HELB: variants seen among roughly 807,000 people sequenced by gnomAD.
HELB encodes the protein DNA 5'-3' helicase B.
A neutral mutation model predicts 101.7 loss-of-function variants in HELB; 96 were observed. That is an observed-to-expected ratio of 0.94 (90% CI 0.80 to 1.12). HELB has a LOEUF of 1.12. HELB is among the 50% of genes most tolerant of loss of function. The pLI is 0.00. For synonymous variants in HELB, 437 were observed against 459.7 expected (o/e 0.95, Z 0.63); for missense variants, 1,210 against 1,291.9 (o/e 0.94, Z 0.97).
intron 3 of HELB, among the ~76,000 whole-genome samples, chr12:66,307,821 TC>T (rs1225718485): frequency 6.7e-6 from 1 of 149,916 alleles, no homozygotes; most frequent in Non-Finnish European, 1.5e-5. Flanking sequence ...AGTCTCCACC[TC>T]CCGGGTTCAA....
downstream of HELB, chr12:66,338,385 T>A: frequency 4.3e-6 from 1 of 232,760 alleles, no homozygotes; most frequent in South Asian, 5.7e-5. Flanking sequence ...CTCATGCCTG[T>A]AATCCCAGCA....
At chr12:66,334,170 C>A (rs114097323) in intron 12 of HELB, among the ~76,000 whole-genome samples, 2,090 of 149,974 alleles carry the variant, frequency 0.014, 50 homozygotes, top group African/African-American at 0.049. Flanking sequence ...AAAAACAAAA[C>A]CACAATCCCT....
At position 66,310,600 on chromosome 12, in the gene HELB, C is replaced by T; in HGVS notation, c.1672C>T (p.Leu558=). The T allele has an allele frequency of 1.2e-6, 2 of 1,609,198 alleles. No homozygotes were observed. The highest frequency in any genetic ancestry group is 1.7e-6 in the Non-Finnish European group (2 of 1,178,394). ...GAAAACTGGTCTTCATGCCTACACA[C>T]TGTGTCAGGTAAAACCTTTGACATT... ...RQKTGLHAYT[L]CQVNYSFYSW... Residue 558 remains leucine, a synonymous_variant, in exon 4 of 13, where the codon CTG becomes TTG. Coordinates refer to ENST00000247815, the MANE Select transcript of HELB (RefSeq NM_001370285.1).
chr12:66,341,364 G>T (rs963104621), downstream of HELB: 9 of 151,970 alleles, frequency 5.9e-5, no homozygotes, highest in Admixed American at 2.6e-4. Flanking sequence ...CAGCCAACTC[G>T]ATGGTGCCCA....
chr12:66,324,074 T>C lies in HELB; in HGVS notation c.2389T>C (p.Ser797Pro). 1 of 1,613,792 alleles carries C rather than the reference T, an allele frequency of 6.2e-7. No individual in the cohort carries two copies. Among genetic ancestry groups the C allele is most frequent in the African/African-American group, 1.3e-5 (1 of 75,018 alleles). The stretch of plus-strand genomic sequence containing the variant: ...CTCAGACTTACTACCTGAAAATATC[T>C]CTGGAAGTCAGCAAAATAATGATCT... ...YLSDLLPENI[S>P]GSQQNNDLDA... Residue 797 changes from serine to proline, a missense_variant, in exon 10 of 13, where the codon TCT becomes CCT. Transcript: ENST00000247815.
Position 66,306,431 on chromosome 12 carries a change from A to ATCATAGGG in HELB, c.698_705dup (p.Gly236Ter), listed in dbSNP as rs1388505625. 1.9e-6 allele frequency: 3 copies of ATCATAGGG among 1,610,508 alleles called. No individual in the cohort carries two copies. Among genetic ancestry groups the ATCATAGGG allele is most frequent in the Non-Finnish European group, 2.5e-6 (3 of 1,178,270 alleles). On this transcript the variant is annotated frameshift_variant, in exon 3 of 13. Transcript: ENST00000247815. LOFTEE classifies it high-confidence loss of function. ...TCTTCTGCCTCGACACTTTAAATGGATCATAGGGTCAGGTTCTAAAGAGAT... is the reference window on the plus strand; with the variant it reads ...TCTTCTGCCTCGACACTTTAAATGGATCATAGGGTCATAGGGTCAGGTTCTAAAGAGAT...
intron 5 of HELB, among the ~76,000 whole-genome samples, chr12:66,314,992 TG>T (rs1458904718): frequency 6.6e-6 from 1 of 151,868 alleles, no homozygotes; most frequent in East Asian, 1.9e-4. Flanking sequence ...GTCTAAGGCC[TG>T]TTTTTTTTTT....
In HELB at chr12:66,318,965, A is replaced by G. The variant is rs1006678240; in HGVS notation, c.2155+173A>G. ...GTAATCATCAAAAGCAGAATACTCT[A>G]GAATTTGGTAAAGAAGTAAGCTCTT... On this transcript the variant is annotated intron_variant, in intron 7 of 12. Transcript: ENST00000247815. Among the ~76,000 whole-genome samples the G allele has an allele frequency of 2.0e-5, 3 of 152,324 alleles. No individual in the cohort carries two copies. The East Asian group carries it at 5.8e-4, about 29-fold the overall frequency.
chr12:66,323,691 T>A (rs1423868963), intron 9 of HELB, among the ~76,000 whole-genome samples: 1 of 152,188 alleles, frequency 6.6e-6, no homozygotes, highest in African/African-American at 2.4e-5. Context: ...TGTTAACCTT[T>A]AGAATATAAG....
rs777909098 is a variant in HELB, at chr12:66,310,442, A to C, written c.1514A>C (p.Glu505Ala). 4.3e-5 allele frequency: 69 copies of C among 1,614,052 alleles called. No individual in the cohort carries two copies. The highest frequency in any genetic ancestry group is 5.4e-5 in the Non-Finnish European group (64 of 1,180,046). The change falls in exon 4 of 13, where the codon GAA becomes GCA. Residue 505 changes from glutamate (E) to alanine (A), a missense_variant. Transcript: ENST00000247815. Reference protein sequence around the residue: ...LEEREVKKACEDFEQDQNASE... With the variant: ...LEEREVKKACADFEQDQNASE... ...GAAAGAGAAGTAAAAAAAGCCTGTG[A>C]AGATTTTGAACAAGACCAGAATGCT... is the stretch of plus-strand genomic sequence containing the variant.
chr12:66,340,166 C>CT (rs2053907254), downstream of HELB: 2 of 152,150 alleles, frequency 1.3e-5, no homozygotes, highest in Non-Finnish European at 2.9e-5. Flanking sequence ...TATGGTAACT[C>CT]TATGTTTAAC....
At chr12:66,334,328 A>G (rs1206003961) in intron 12 of HELB, among the ~76,000 whole-genome samples, 1 of 151,846 alleles carries the variant, frequency 6.6e-6, no homozygotes, top group Non-Finnish European at 1.5e-5. Context: ...TGAACTTGGT[A>G]GTGCATATCT....
At position 66,331,598 on chromosome 12, in the gene HELB, A is replaced by G; in HGVS notation, c.3115A>G (p.Arg1039Gly). 6.2e-7 allele frequency: 1 copy of G among 1,611,104 alleles called. No homozygotes were observed. The highest frequency in any genetic ancestry group is 8.5e-7 in the Non-Finnish European group (1 of 1,179,974). ...DDLPKSRASK[R>G]TCGVNDDESP... ...TTTACCAAAATCGCGAGCATCCAAA[A>G]GAACCTGTGGTGTGAATGATGATGA... The change falls in exon 12 of 13, where the codon AGA becomes GGA. Residue 1039 changes from arginine (R) to glycine (G), a missense_variant. Arg to Gly is a moderately radical substitution (Grantham distance 125). Around this residue, in one of 2 missense-constraint regions of HELB, gnomAD observed 740 missense variants for 728.8 expected, o/e 1.02. Transcript: ENST00000247815.
intron 3 of HELB, among the ~76,000 whole-genome samples, chr12:66,307,733 C>T (rs2053493450): frequency 6.6e-6 from 1 of 151,708 alleles, no homozygotes; most frequent in South Asian, 2.1e-4. Flanking sequence ...ATCCCTTTCT[C>T]TCTACCTCCC....
intron 3 of HELB, among the ~76,000 whole-genome samples, chr12:66,308,209 G>T (rs530590618): frequency 1.3e-5 from 2 of 152,256 alleles, no homozygotes; most frequent in African/African-American, 4.8e-5. Context: ...GAGGATAGAG[G>T]TTTCTCTTGC....
At chr12:66,318,934 A>G in intron 7 of HELB, 142 bp downstream of exon 7, 1 of 658,084 alleles carries the variant, frequency 1.5e-6, no homozygotes. Flanking sequence ...AAAATAAATG[A>G]ACTTAGTAAT....
chr12:66,320,411 G>A (rs561144378), intron 7 of HELB, among the ~76,000 whole-genome samples: 1 of 152,184 alleles, frequency 6.6e-6, no homozygotes, highest in South Asian at 2.1e-4. Context: ...ATTGTTTTGT[G>A]ACTTAGAAAT....
At chr12:66,308,819 C>T (rs1198393775) in intron 3 of HELB, among the ~76,000 whole-genome samples, 1 of 152,080 alleles carries the variant, frequency 6.6e-6, no homozygotes, top group African/African-American at 2.4e-5. Flanking sequence ...AACCCTGTCT[C>T]CAAATATAGT....
chr12:66,306,020 T>C (rs1446135067), intron 2 of HELB, among the ~76,000 whole-genome samples: 1 of 152,228 alleles, frequency 6.6e-6, no homozygotes, highest in Non-Finnish European at 1.5e-5. Context: ...TTATTTTATA[T>C]CCTTAGCTTT....
Sources: gnomAD v4.1 joint callset for allele counts (sites outside exome capture counted in the v4.1 genomes callset) on GRCh38, gnomAD v4.1.1 for gene constraint, gnomAD v4.1.1 regional missense constraint, MANE v1.5 for transcripts, NCBI Gene and HGNC (gene_info 2026-07-23, HGNC 2026-07-21) for gene names.